EPHA5: variants seen among roughly 807,000 people sequenced by gnomAD.
EPHA5 encodes the protein ephrin type-A receptor 5.
A neutral mutation model predicts 105.0 loss-of-function variants in EPHA5; 60 were observed. The ratio of observed to expected loss-of-function variants is 0.57; its 90% CI spans 0.46 to 0.71. The LOEUF (loss-of-function observed/expected upper bound fraction) is 0.71. Among genes scored for constraint, EPHA5 ranks in the 30% least tolerant of loss-of-function variants. The pLI is 0.00. For synonymous variants in EPHA5, 513 were observed against 449.1 expected (o/e 1.14, Z -1.80); for missense variants, 1,218 against 1,274.7 (o/e 0.96, Z 0.68).
At chr4:65,640,799 T>C (rs1156569359) in intron 2 of EPHA5, among the ~76,000 whole-genome samples, 2 of 152,208 alleles carry the variant, frequency 1.3e-5, no homozygotes, top group African/African-American at 4.8e-5. Context: ...AGGTCTTTCC[T>C]GAGCATACTT....
In EPHA5 at chr4:65,363,662, A is replaced by T. The variant is rs143354175; in HGVS notation, c.2173+1355T>A. ...TATCAAATATTTGCTTACTATTATT[A>T]CTGGTACCATCATTAAGAACTATGT... On this transcript the variant is annotated intron_variant, in intron 11 of 16. Coordinates refer to ENST00000613740, the MANE Select transcript of EPHA5 (RefSeq NM_001281766.3). Among the ~76,000 whole-genome samples, 1,222 of 151,706 alleles carry T rather than the reference A, an allele frequency of 8.1e-3. 12 individuals carry two copies. Among genetic ancestry groups the T allele is most frequent in the African/African-American group, 0.028 (1,146 of 41,502 alleles).
chr4:65,443,929 G>GTGTGTGCAGGTGTGCA (rs1553917130), intron 5 of EPHA5, among the ~76,000 whole-genome samples: 1 of 149,688 alleles, frequency 6.7e-6, no homozygotes, highest in African/African-American at 2.5e-5. Context: ...GTGTGTGTGT[G>GTGTGTGCAGGTGTGCA]CGTGCACGTG....
At chr4:65,489,741 A>C (rs1731224706) in intron 5 of EPHA5, among the ~76,000 whole-genome samples, 1 of 152,214 alleles carries the variant, frequency 6.6e-6, no homozygotes, top group African/African-American at 2.4e-5. Flanking sequence ...AGTAGCTCAG[A>C]CACGACTGTA....
chr4:65,518,421 ACACACACACACACC>A (rs1421528329), intron 3 of EPHA5, among the ~76,000 whole-genome samples: 1 of 151,828 alleles, frequency 6.6e-6, no homozygotes, highest in Non-Finnish European at 1.5e-5. Context: ...TTATATTCAC[ACACACACACACACC>A]CACACACACA....
chr4:65,446,864 C>T (rs1726585207), intron 5 of EPHA5, among the ~76,000 whole-genome samples: 1 of 151,838 alleles, frequency 6.6e-6, no homozygotes, highest in South Asian at 2.1e-4. Context: ...AATAACATAG[C>T]TCCAATAAGC....
chr4:65,345,264 A>G (rs1722104667), intron 14 of EPHA5, among the ~76,000 whole-genome samples: 1 of 152,158 alleles, frequency 6.6e-6, no homozygotes, highest in Non-Finnish European at 1.5e-5. Flanking sequence ...AAGAAAACCA[A>G]TTTTAGCAAT....
intron 8 of EPHA5, among the ~76,000 whole-genome samples, chr4:65,368,188 A>G (rs1718108783): frequency 6.6e-6 from 1 of 152,032 alleles, no homozygotes; most frequent in Non-Finnish European, 1.5e-5. Context: ...ATGTATGGAC[A>G]TTTTCATAGG....
At chr4:65,636,975 G>T (rs1747179528) in intron 2 of EPHA5, among the ~76,000 whole-genome samples, 1 of 152,004 alleles carries the variant, frequency 6.6e-6, no homozygotes, top group Admixed American at 6.6e-5. Flanking sequence ...CAGCAAATTT[G>T]CATAAAATTT....
chr4:65,649,645 TC>T (rs1748420991), intron 1 of EPHA5, among the ~76,000 whole-genome samples: 3 of 152,168 alleles, frequency 2.0e-5, no homozygotes, highest in African/African-American at 7.2e-5. Flanking sequence ...AACACCCCTA[TC>T]TATTATTTCC....
intron 8 of EPHA5, among the ~76,000 whole-genome samples, chr4:65,386,105 T>C (rs1408660459): frequency 6.6e-6 from 1 of 151,800 alleles, no homozygotes; most frequent in Non-Finnish European, 1.5e-5. Context: ...CCGTGCAAAA[T>C]AAACATTACT....
intron 11 of EPHA5, among the ~76,000 whole-genome samples, chr4:65,361,447 G>A (rs1560452781): frequency 6.6e-6 from 1 of 151,610 alleles, no homozygotes; most frequent in Non-Finnish European, 1.5e-5. Context: ...TTGTTTGCTT[G>A]ACTGCTGATG....
At chr4:65,596,545 A>T (rs77722026) in intron 3 of EPHA5, among the ~76,000 whole-genome samples, 4 of 152,170 alleles carry the variant, frequency 2.6e-5, no homozygotes, top group Admixed American at 2.6e-4. Flanking sequence ...TTTTATTAGA[A>T]CTAATCTAAA....
intron 3 of EPHA5, among the ~76,000 whole-genome samples, chr4:65,593,049 C>T (rs1412828352): frequency 1.3e-5 from 2 of 152,046 alleles, no homozygotes; most frequent in African/African-American, 2.4e-5. Flanking sequence ...ATGGATGCAC[C>T]TCTACTTTTT....
intron 5 of EPHA5, among the ~76,000 whole-genome samples, chr4:65,447,860 G>A (rs1466621675): frequency 1.3e-5 from 2 of 151,938 alleles, no homozygotes; most frequent in East Asian, 3.9e-4. Context: ...TAATAAGAGG[G>A]AAAAGACATG....
chr4:65,381,275 G>A (rs909244531), intron 8 of EPHA5, among the ~76,000 whole-genome samples: 3 of 151,692 alleles, frequency 2.0e-5, no homozygotes, highest in African/African-American at 7.3e-5. Flanking sequence ...AGCAATTAAT[G>A]TAAATATGGT....
At chr4:65,361,900 T>A (rs1167624338) in intron 11 of EPHA5, among the ~76,000 whole-genome samples, 1 of 151,610 alleles carries the variant, frequency 6.6e-6, no homozygotes, top group East Asian at 1.9e-4. Context: ...CCACTGATGG[T>A]AGATGAAATC....
intron 3 of EPHA5, among the ~76,000 whole-genome samples, chr4:65,526,666 A>G (rs1046589025): frequency 3.3e-5 from 5 of 151,952 alleles, no homozygotes; most frequent in Non-Finnish European, 5.9e-5. Context: ...AGAGCAATAA[A>G]TTAAGCCTGA....
intron 5 of EPHA5, among the ~76,000 whole-genome samples, chr4:65,456,576 G>A (rs1455281123): frequency 6.6e-6 from 1 of 152,148 alleles, no homozygotes; most frequent in Admixed American, 6.5e-5. Flanking sequence ...GTGCTTGAAG[G>A]AAGCCAATTA....
Position 65,353,175 on chromosome 4 carries a change from G to C in EPHA5, c.2174-72C>G, listed in dbSNP as rs1339369070. 1.1e-5 allele frequency: 8 copies of C among 753,646 alleles called. No homozygotes were observed. In the East Asian group the frequency reaches 1.5e-4, roughly 14 times the overall value. The allele number at this position is 753,646 out of a possible 1,614,324, so 46.7% of individuals were successfully genotyped here. On this transcript the variant is annotated intron_variant, in intron 11 of 16. Coordinates refer to ENST00000613740, the MANE Select transcript of EPHA5 (RefSeq NM_001281766.3). Reference sequence around the variant, plus strand: ...ATTCTTATCTGGCAAAGCTTACCCAGAAGTTTTTATTAGTGTCAAAATTGT... The same window carrying C: ...ATTCTTATCTGGCAAAGCTTACCCACAAGTTTTTATTAGTGTCAAAATTGT...
Sources: allele counts gnomAD v4.1 joint callset (sites outside exome capture counted in the v4.1 genomes callset), GRCh38; gene constraint gnomAD v4.1.1; transcripts MANE v1.5; gene names NCBI Gene and HGNC (gene_info 2026-07-23, HGNC 2026-07-21).